The following ZNF470 variants were observed in gnomAD, a reference collection of about 807,000 sequenced individuals.
ZNF470 encodes chondrogenesis zinc finger protein 1.
Under a neutral mutation model 13.9 loss-of-function variants are expected in ZNF470, and 13 were observed. The ratio of observed to expected loss-of-function variants is 0.94; its 90% confidence interval spans 0.61 to 1.49. The LOEUF (loss-of-function observed/expected upper bound fraction) is 1.49, where lower values mean the gene tolerates loss of function less well. Among genes scored for constraint, ZNF470 ranks in the 40% most tolerant of loss-of-function variants. The probability of loss-of-function intolerance (pLI) is 0.00; values close to 1 mark genes in which losing one functional copy is unlikely to be tolerated. For missense variants in ZNF470, 929 were observed against 857.3 expected (o/e 1.08, Z -1.04); for synonymous variants, 293 against 282.9 (o/e 1.04, Z -0.36).
Position 56,578,275 on chromosome 19 carries a change from A to G in ZNF470, c.1846A>G (p.Thr616Ala). 6.2e-7 allele frequency: 1 copy of G among 1,613,636 alleles called. No individual in the cohort carries two copies. The highest frequency in any genetic ancestry group is 2.2e-5 in the East Asian group (1 of 44,868). Residue 616 changes from threonine (T) to alanine (A), a missense_variant, in exon 6 of 6, where the codon ACT (threonine) becomes GCT (alanine). By Grantham distance (58) the Thr-to-Ala change is moderately conservative. Coordinates refer to ENST00000330619, the MANE Select transcript of ZNF470 (RefSeq NM_001001668.4). ...CTTGATTTGTCATCAGAGATGTCAT[A>G]CTGGTGAGAAACCTTATGAATGTAA... The part of the protein sequence containing the change: ...ASLICHQRCH[T>A]GEKPYECNVC...
At position 56,580,703 on chromosome 19, in the gene ZNF470, A is replaced by T; in HGVS notation, c.*2120A>T. The T allele has an allele frequency of 3.8e-6, 1 of 264,396 alleles. No individual in the cohort carries two copies. The highest frequency in any genetic ancestry group is 5.8e-6 in the Non-Finnish European group (1 of 171,108). 16.4% of individuals were successfully genotyped at this position (264,396 alleles called of 1,614,324 possible). ...TGTGAGGGAAGCCGTTATCCAGAGT[A>T]CATGACTGCTAGAAAATGGAGTTTG... On this transcript the variant is annotated 3_prime_UTR_variant, in exon 6 of 6. Coordinates refer to ENST00000330619, the MANE Select transcript of ZNF470 (RefSeq NM_001001668.4).
intron 5 of ZNF470, among the ~76,000 whole-genome samples, chr19:56,575,127 C>T (rs1483397443): frequency 6.6e-6 from 1 of 152,036 alleles, no homozygotes; most frequent in Non-Finnish European, 1.5e-5. Context: ...ATTTTCTTCC[C>T]TCTGCCTTTT....
At chr19:56,574,004 A>G in intron 3 of ZNF470, 1 of 971,142 alleles carries the variant, frequency 1.0e-6, no homozygotes, top group Non-Finnish European at 1.2e-6. Flanking sequence ...CTTCCTTGCA[A>G]GTTTTTCTCA....
intron 1 of ZNF470, among the ~76,000 whole-genome samples, chr19:56,568,343 C>G (rs184213790): frequency 6.6e-6 from 1 of 152,202 alleles, no homozygotes; most frequent in Non-Finnish European, 1.5e-5. Context: ...TCTGGGTACT[C>G]TGCTGCTGTT....
chr19:56,570,472 C>T, intron 3 of ZNF470, 101 bp downstream of exon 3: 2 of 1,142,944 alleles, frequency 1.7e-6, no homozygotes, highest in East Asian at 2.5e-5. Context: ...GAGTTCCACC[C>T]TGAGGCCTGT....
Position 56,577,129 on chromosome 19 carries a change from G to A in ZNF470, c.700G>A (p.Glu234Lys). 1 of 1,613,066 alleles carries A rather than the reference G, an allele frequency of 6.2e-7. No individual in the cohort carries two copies. Among genetic ancestry groups the A allele is most frequent in the Non-Finnish European group, 8.5e-7 (1 of 1,179,742 alleles). ...GAAACTTTTAAAATGTAATGACTGT[G>A]AGAAAATATTCAGCAAAATCTCAAC... is the stretch of plus-strand genomic sequence containing the variant. ...EKKLLKCNDC[E>K]KIFSKISTLT... Residue 234 changes from glutamate (E) to lysine (K), a missense_variant, in exon 6 of 6, where the codon GAG becomes AAG. Glu to Lys is a moderately conservative substitution (Grantham distance 56, BLOSUM62 1). Coordinates refer to ENST00000330619, the MANE Select transcript of ZNF470 (RefSeq NM_001001668.4).
intron 2 of ZNF470, among the ~76,000 whole-genome samples, chr19:56,569,375 C>G (rs1600562774): frequency 1.3e-5 from 2 of 152,162 alleles, no homozygotes; most frequent in Non-Finnish European, 2.9e-5. Flanking sequence ...GAATGCCTCT[C>G]TCTGGAAAAG....
intron 5 of ZNF470, 101 bp downstream of exon 5, chr19:56,574,834 C>A: frequency 9.8e-7 from 1 of 1,025,190 alleles, no homozygotes; most frequent in South Asian, 1.6e-5. Flanking sequence ...CAAACTGAAA[C>A]TTGTTCTTCT....
At chr19:56,570,511 A>G in intron 3 of ZNF470, 140 bp downstream of exon 3, 1 of 796,066 alleles carries the variant, frequency 1.3e-6, no homozygotes, top group Non-Finnish European at 2.1e-6. Context: ...CTGATATGTG[A>G]TGGGGTTGTG....
rs753179426 is a variant in ZNF470, at chr19:56,574,646, A to G, written c.196A>G (p.Ile66Val). ...TGTCTTTTTACATGCAGGTCTTTGC[A>G]TTTCTAAACCAGATGTGATCTCCTT... ...YRNLVSVGLC[I>V]SKPDVISLLE... Residue 66 changes from isoleucine (I) to valine (V), a missense_variant, in exon 5 of 6, where the codon ATT becomes GTT. Physicochemically the swap from Ile to Val is conservative, Grantham distance 29. Transcript: ENST00000330619. 1.5e-5 allele frequency: 25 copies of G among 1,613,326 alleles called. 2 individuals carry two copies. In the East Asian group the frequency reaches 1.8e-4, roughly 12 times the overall value.
At chr19:56,572,999 T>A (rs1344322656) in intron 3 of ZNF470, among the ~76,000 whole-genome samples, 1 of 152,190 alleles carries the variant, frequency 6.6e-6, no homozygotes, top group African/African-American at 2.4e-5. Context: ...TTCTCTTGAG[T>A]TTATAAAAAT....
chr19:56,580,834 A>G lies in ZNF470; in HGVS notation c.*2251A>G, dbSNP rs2044530126. 1 of 985,152 alleles carries G rather than the reference A, an allele frequency of 1.0e-6. No homozygotes were observed. Among genetic ancestry groups the G allele is most frequent in the Non-Finnish European group, 1.2e-6 (1 of 829,802 alleles). 61.0% of individuals were successfully genotyped at this position (985,152 alleles called of 1,614,324 possible). A position where few individuals can be genotyped will look rare whatever the true frequency, so the allele number is the denominator to read the frequency against. On this transcript the variant is annotated 3_prime_UTR_variant, in exon 6 of 6. Coordinates refer to ENST00000330619, the MANE Select transcript of ZNF470 (RefSeq NM_001001668.4). ...ACTCTCCTTATATATGATAAAAAGG[A>G]TTTTTCATTGTAGTGGGGAAAAGGT...
At chr19:56,574,360 C>T in intron 3 of ZNF470, 34 bp from the exon 4 acceptor site, 2 of 1,613,054 alleles carry the variant, frequency 1.2e-6, no homozygotes, top group Non-Finnish European at 1.7e-6. Flanking sequence ...AATGTGAACA[C>T]TGAGTGAGCA....
chr19:56,569,090 G>A (rs1451546911), intron 2 of ZNF470, among the ~76,000 whole-genome samples: 1 of 152,152 alleles, frequency 6.6e-6, no homozygotes, highest in East Asian at 1.9e-4. Context: ...CCTCATACAT[G>A]TAAAGCACTT....
At position 56,579,549 on chromosome 19, in the gene ZNF470, G is replaced by C. The variant is rs906687638; in HGVS notation, c.*966G>C. On this transcript the variant is annotated 3_prime_UTR_variant, in exon 6 of 6. Transcript: ENST00000330619. ...TAGCCATGAAACACTGAAAAGGGTAGTTCAATACTTTGGCCTTTATAAAAG... is the reference window on the plus strand; with the variant it reads ...TAGCCATGAAACACTGAAAAGGGTACTTCAATACTTTGGCCTTTATAAAAG... The C allele has an allele frequency of 1.4e-5, 14 of 985,290 alleles. No individual in the cohort carries two copies. Among genetic ancestry groups the C allele is most frequent in the African/African-American group, 3.5e-5 (2 of 57,234 alleles). 61.0% of individuals were successfully genotyped at this position (985,290 alleles called of 1,614,324 possible). A position where few individuals can be genotyped will look rare whatever the true frequency, so the allele number is the denominator to read the frequency against.
Position 56,567,955 on chromosome 19 carries a change from C to G in ZNF470, c.-242C>G. On this transcript the variant is annotated 5_prime_UTR_variant, in exon 1 of 6. Transcript: ENST00000330619. ...TCGGCTGAAGCATTTCCTGTCAGCC[C>G]TATCTGGAAGGGGCAGAGCCCAGGA... 1.2e-5 allele frequency: 12 copies of G among 985,770 alleles called. No individual in the cohort carries two copies. Among genetic ancestry groups the G allele is most frequent in the Non-Finnish European group, 1.4e-5 (12 of 830,222 alleles). The allele number at this position is 985,770 out of a possible 1,614,324, so 61.1% of individuals were successfully genotyped here.
Position 56,576,574 on chromosome 19 carries a change from T to G in ZNF470, c.284-139T>G, listed in dbSNP as rs1048266500. The G allele has an allele frequency of 1.0e-5, 6 of 585,910 alleles. No homozygotes were observed. The Admixed American group carries it at 2.2e-4, about 22-fold the overall frequency. 36.3% of individuals were successfully genotyped at this position (585,910 alleles called of 1,614,324 possible). A position where few individuals can be genotyped will look rare whatever the true frequency, so the allele number is the denominator to read the frequency against. On this transcript the variant is annotated intron_variant, in intron 5 of 5. Transcript: ENST00000330619. ...GCAGTGCAAGGATGGTTGTATCACC[T>G]AATCTTATGTAAGAACCATAAAAAC...
chr19:56,568,998 A>G (rs969510232), intron 2 of ZNF470, 115 bp downstream of exon 2: 6 of 152,210 alleles, frequency 3.9e-5, no homozygotes, highest in African/African-American at 1.4e-4. Flanking sequence ...TTTTTCTTAA[A>G]AAGTTTATGA....
At position 56,577,194 on chromosome 19, in the gene ZNF470, C is replaced by G. The variant is rs2044495111; in HGVS notation, c.765C>G (p.Pro255=). The G allele has an allele frequency of 6.2e-7, 1 of 1,612,750 alleles. No individual in the cohort carries two copies. Among genetic ancestry groups the G allele is most frequent in the Non-Finnish European group, 8.5e-7 (1 of 1,179,602 alleles). Residue 255 remains proline (P), a synonymous_variant, in exon 6 of 6, where the codon CCC becomes CCG. Transcript: ENST00000330619. The stretch of plus-strand genomic sequence containing the variant: ...AAAGAATTCATACAGGAGAGAAACC[C>G]TATGAATGTATTGAATGTGGAAAGG... ...LHQRIHTGEK[P]YECIECGKAF... is the part of the protein sequence containing the mutation.
Sources: allele counts gnomAD v4.1 joint callset (sites outside exome capture counted in the v4.1 genomes callset), GRCh38; gene constraint gnomAD v4.1.1; transcripts MANE v1.5; gene names NCBI Gene and HGNC (gene_info 2026-07-23, HGNC 2026-07-21).